The following BRD4 variants were observed in gnomAD, a reference collection of about 807,000 sequenced individuals.
BRD4 encodes bromodomain-containing protein 4.
In BRD4, 16 loss-of-function variants were observed where a neutral mutation model predicts 142.1. That is an observed-to-expected ratio of 0.11 (90% CI 0.08 to 0.17). The LOEUF (loss-of-function observed/expected upper bound fraction) is 0.17. Among genes scored for constraint, BRD4 ranks in the 10% least tolerant of loss-of-function variants. BRD4 has a pLI of 1.00. For synonymous variants in BRD4, 833 were observed against 707.5 expected, an observed-to-expected ratio of 1.18 and a Z score of -2.82; for missense variants, 1,424 against 1,810.9, an observed-to-expected ratio of 0.79 and a Z score of 3.88.
intron 1 of BRD4, among the ~76,000 whole-genome samples, chr19:15,314,374 A>G (rs1339206462): frequency 1.3e-5 from 2 of 152,218 alleles, no homozygotes; most frequent in Non-Finnish European, 2.9e-5. Context: ...TCACTCTAGG[A>G]CACATTGTTT....
intron 1 of BRD4, 96 bp from the exon 2 acceptor site, chr19:15,273,229 AG>A: frequency 7.6e-7 from 1 of 1,307,260 alleles, no homozygotes; most frequent in South Asian, 1.6e-5. Flanking sequence ...CCAAGGACTG[AG>A]TTCCCTGGCG....
At chr19:15,276,792 C>A (rs1425035271) in intron 1 of BRD4, among the ~76,000 whole-genome samples, 3 of 152,180 alleles carry the variant, frequency 2.0e-5, no homozygotes, top group South Asian at 2.1e-4. Context: ...ACATGCCTTG[C>A]CCTAGGACTC....
intron 1 of BRD4, among the ~76,000 whole-genome samples, chr19:15,278,894 T>A (rs1411080516): frequency 6.6e-6 from 1 of 152,098 alleles, no homozygotes; most frequent in Non-Finnish European, 1.5e-5. Flanking sequence ...CAGGCTGGAG[T>A]GCAATAGCGT....
At chr19:15,263,344 A>G in intron 7 of BRD4, 76 bp downstream of exon 7, 3 of 1,527,994 alleles carry the variant, frequency 2.0e-6, no homozygotes, top group South Asian at 1.2e-5. Flanking sequence ...AAACTCTGCC[A>G]AGGCCCACAG....
At chr19:15,263,244 T>C (rs1431714329) in intron 7 of BRD4, among the ~76,000 whole-genome samples, 176 bp downstream of exon 7, 1 of 152,186 alleles carries the variant, frequency 6.6e-6, no homozygotes, top group Non-Finnish European at 1.5e-5. Context: ...TTTAATTGAA[T>C]AACCCCAACT....
intron 4 of BRD4, among the ~76,000 whole-genome samples, chr19:15,267,199 AG>A (rs1323370695): frequency 4.9e-4 from 75 of 152,270 alleles, no homozygotes; most frequent in African/African-American, 1.8e-3. Context: ...CCCTCAGAAA[AG>A]GCAGGGCCCA....
chr19:15,262,334 A>G (rs1314819090), intron 7 of BRD4, among the ~76,000 whole-genome samples: 1 of 152,176 alleles, frequency 6.6e-6, no homozygotes, highest in East Asian at 1.9e-4. Context: ...TCTGACCCTG[A>G]GAACAGAAGC....
In BRD4 at chr19:15,323,649, C is replaced by T. The variant is rs996301643; in HGVS notation, c.-35+8641G>A. ...CACAAGGACACGAGAATTACTAATT[C>T]ACGTTTCTGAAAATTGTGTAATACC... On this transcript the variant is annotated intron_variant, in intron 1 of 19. Transcript: ENST00000679869. Among the ~76,000 whole-genome samples the T allele has an allele frequency of 2.6e-5, 4 of 152,160 alleles. No individual in the cohort carries two copies. The East Asian group carries it at 7.7e-4, about 29-fold the overall frequency.
intron 1 of BRD4, among the ~76,000 whole-genome samples, chr19:15,306,756 C>T (rs1486243681): frequency 1.3e-5 from 2 of 152,118 alleles, no homozygotes; most frequent in Non-Finnish European, 2.9e-5. Flanking sequence ...AGAACACAAA[C>T]ATTTATAGAC....
At position 15,237,047 on chromosome 19, in the gene BRD4, G is replaced by A. The variant is rs557252337; in HGVS notation, c.*1330C>T. On this transcript the variant is annotated 3_prime_UTR_variant, in exon 20 of 20. Coordinates refer to ENST00000679869, the MANE Select transcript of BRD4 (RefSeq NM_001379291.1). ...AAAAAAAAAAAAAAAAGCATGGGCA[G>A]GAGCGGCCAGCTGGTTGGGGCTGGG... The A allele has an allele frequency of 4.8e-6, 1 of 208,334 alleles. No individual in the cohort carries two copies. The highest frequency in any genetic ancestry group is 9.7e-6 in the Non-Finnish European group (1 of 103,214). 12.9% of individuals were successfully genotyped at this position (208,334 alleles called of 1,614,324 possible).
chr19:15,279,400 G>T (rs1385165780), intron 1 of BRD4, among the ~76,000 whole-genome samples: 1 of 152,184 alleles, frequency 6.6e-6, no homozygotes, highest in Non-Finnish European at 1.5e-5. Flanking sequence ...CTGCAATGAT[G>T]GAGTCCCTAC....
chr19:15,265,273 C>T (rs1599465063), intron 5 of BRD4, 81 bp downstream of exon 5: 1 of 1,327,202 alleles, frequency 7.5e-7, no homozygotes, highest in Admixed American at 3.2e-5. Context: ...GGACCCAGGA[C>T]AGGCTCTGTG....
intron 1 of BRD4, among the ~76,000 whole-genome samples, chr19:15,328,540 T>C (rs1430017451): frequency 1.3e-5 from 2 of 152,202 alleles, no homozygotes. Flanking sequence ...GTTATCTTAG[T>C]TGAAACTCAC....
chr19:15,243,686 G>A (rs538498289), intron 13 of BRD4, among the ~76,000 whole-genome samples, 199 bp from the exon 14 acceptor site: 1 of 152,276 alleles, frequency 6.6e-6, no homozygotes, highest in East Asian at 1.9e-4. Context: ...TTAGGGCGGT[G>A]TCATCCTGCC....
intron 2 of BRD4, among the ~76,000 whole-genome samples, chr19:15,271,429 T>A (rs189672726): frequency 1.5e-4 from 23 of 152,280 alleles, no homozygotes; most frequent in Non-Finnish European, 3.2e-4. Context: ...GGAATCCTCA[T>A]CTCTTTGACC....
At chr19:15,310,683 CG>C (rs777246650) in intron 1 of BRD4, among the ~76,000 whole-genome samples, 521 of 151,040 alleles carry the variant, frequency 3.4e-3, no homozygotes, top group Non-Finnish European at 5.7e-3. Flanking sequence ...TTATTAGAGA[CG>C]GGGTTTCACC....
At chr19:15,278,010 G>A (rs2047666223) in intron 1 of BRD4, among the ~76,000 whole-genome samples, 1 of 149,110 alleles carries the variant, frequency 6.7e-6, no homozygotes, top group Non-Finnish European at 1.5e-5. Flanking sequence ...GGAGGCTGAG[G>A]CAGGAGCATG....
At chr19:15,288,865 G>C (rs953297199) in intron 1 of BRD4, among the ~76,000 whole-genome samples, 1 of 152,180 alleles carries the variant, frequency 6.6e-6, no homozygotes, top group African/African-American at 2.4e-5. Context: ...TGAGGGGAGG[G>C]AAAGTTCAGA....
Position 15,238,187 on chromosome 19 carries a change from C to T in BRD4, c.*190G>A, listed in dbSNP as rs1451405117. ...GGTGGTGGGTGGCGGGACGTCTGTC[C>T]GACTGGCCGTAAGGCAGACAGGCTC... On this transcript the variant is annotated 3_prime_UTR_variant, in exon 20 of 20. Coordinates refer to ENST00000679869, the MANE Select transcript of BRD4 (RefSeq NM_001379291.1). The surrounding 1 kb of genome is among the most constrained non-coding windows in gnomAD (Gnocchi z 7.2). 1.8e-5 allele frequency: 16 copies of T among 893,702 alleles called. No homozygotes were observed. Among genetic ancestry groups the T allele is most frequent in the African/African-American group, 1.5e-4 (9 of 58,918 alleles). The allele number at this position is 893,702 out of a possible 1,614,324, so 55.4% of individuals were successfully genotyped here. A position where few individuals can be genotyped will look rare whatever the true frequency, so the allele number is the denominator to read the frequency against.
Sources: allele counts gnomAD v4.1 joint callset (sites outside exome capture counted in the v4.1 genomes callset), GRCh38; gene constraint gnomAD v4.1.1; non-coding constraint Gnocchi (gnomAD v3.1); transcripts MANE v1.5; gene names NCBI Gene and HGNC (gene_info 2026-07-23, HGNC 2026-07-21).